Variants in CTNNA3 observed in about 807,000 individuals in gnomAD.
CTNNA3 encodes catenin alpha 3, also known as catenin alpha-3.
CTNNA3 carries 76 observed loss-of-function variants against 95.7 expected under a neutral mutation model. The observed-to-expected ratio is 0.79, with a 90% CI of 0.66 to 0.96. The LOEUF is 0.96. Ranked by LOEUF, CTNNA3 falls within the 40% of genes least tolerant of loss-of-function variation. The probability of loss-of-function intolerance (pLI) is 0.00; values close to 1 mark genes in which losing one functional copy is unlikely to be tolerated. For missense variants in CTNNA3, 1,191 were observed against 1,089.8 expected, an observed-to-expected ratio of 1.09 and a Z score of -1.31; for synonymous variants, 431 against 374.4, an observed-to-expected ratio of 1.15 and a Z score of -1.74.
At chr10:67,344,404 A>C (rs1842336934) in intron 5 of CTNNA3, among the ~76,000 whole-genome samples, 1 of 151,882 alleles carries the variant, frequency 6.6e-6, no homozygotes, top group Admixed American at 6.6e-5. Context: ...TATTTTTTGG[A>C]ATATTTTTAC....
intron 6 of CTNNA3, among the ~76,000 whole-genome samples, chr10:67,203,935 GATGTT>G (rs1230546624): frequency 6.6e-6 from 1 of 152,118 alleles, no homozygotes. Context: ...AAGGTGTAGT[GATGTT>G]ACCTGCAGGA....
chr10:67,232,064 G>A (rs929995230), intron 5 of CTNNA3, among the ~76,000 whole-genome samples: 1 of 152,030 alleles, frequency 6.6e-6, no homozygotes, highest in Non-Finnish European at 1.5e-5. Flanking sequence ...CGGGGAGAAT[G>A]GAACCAAGTT....
At chr10:67,733,270 A>G (rs1384794428) in intron 1 of CTNNA3, among the ~76,000 whole-genome samples, 1 of 152,206 alleles carries the variant, frequency 6.6e-6, no homozygotes, top group Non-Finnish European at 1.5e-5. Context: ...ATTTTCTTTG[A>G]AAAGTTGCTA....
Position 66,927,726 on chromosome 10 carries a change from AC to A in CTNNA3, c.1048-152203del, listed in dbSNP as rs1847154158. On this transcript the variant is annotated intron_variant, in intron 7 of 17. Coordinates refer to ENST00000433211, the MANE Select transcript of CTNNA3 (RefSeq NM_013266.4). This position sits in a 1 kb window ranked among gnomAD's most constrained non-coding sequence, Gnocchi z 4.7. ...GCAATGAGATCGAAGCTTTCAGTGG[AC>A]CCAGTGTTTTCCAGTGTGTCCCGAA... 6.2e-7 allele frequency: 1 copy of A among 1,614,022 alleles called. No homozygotes were observed. Among genetic ancestry groups the A allele is most frequent in the Admixed American group, 1.7e-5 (1 of 59,994 alleles).
At chr10:66,373,735 C>G (rs2092771280) in intron 12 of CTNNA3, among the ~76,000 whole-genome samples, 1 of 152,218 alleles carries the variant, frequency 6.6e-6, no homozygotes, top group South Asian at 2.1e-4. Flanking sequence ...CAGTTACTAC[C>G]CCTTACAGGG....
At chr10:66,371,858 T>C (rs2092756966) in intron 12 of CTNNA3, among the ~76,000 whole-genome samples, 1 of 152,154 alleles carries the variant, frequency 6.6e-6, no homozygotes, top group African/African-American at 2.4e-5. Flanking sequence ...ACTAAGATAA[T>C]GCTTCTGGCA....
chr10:66,408,327 G>A (rs775570003), intron 11 of CTNNA3, among the ~76,000 whole-genome samples: 27 of 151,926 alleles, frequency 1.8e-4, no homozygotes, highest in Admixed American at 3.9e-4. Context: ...CCAAATGGTG[G>A]CCTTTTTTCT....
chr10:67,254,056 C>G (rs779146734), intron 5 of CTNNA3, among the ~76,000 whole-genome samples: 2 of 151,818 alleles, frequency 1.3e-5, no homozygotes, highest in Non-Finnish European at 2.9e-5. Context: ...CCTTTCTTAC[C>G]AATTTATTTT....
intron 3 of CTNNA3, among the ~76,000 whole-genome samples, chr10:67,579,932 T>C (rs190285192): frequency 0.014 from 2,091 of 152,354 alleles, 61 homozygotes; most frequent in African/African-American, 0.048. Context: ...TTGTTTAAGT[T>C]CTTTATCGAT....
chr10:66,423,694 A>T (rs184577574), intron 11 of CTNNA3, among the ~76,000 whole-genome samples: 2 of 152,262 alleles, frequency 1.3e-5, no homozygotes, highest in African/African-American at 4.8e-5. Flanking sequence ...TCTCCCCGAC[A>T]CGAAAACATT....
intron 12 of CTNNA3, among the ~76,000 whole-genome samples, chr10:66,341,073 A>G (rs1657267370): frequency 6.6e-6 from 1 of 151,934 alleles, no homozygotes; most frequent in Non-Finnish European, 1.5e-5. Context: ...AACTATCATC[A>G]TCCTAAGAGT....
intron 1 of CTNNA3, among the ~76,000 whole-genome samples, chr10:67,734,155 T>C (rs1382648210): frequency 6.6e-6 from 1 of 152,154 alleles, no homozygotes; most frequent in Non-Finnish European, 1.5e-5. Context: ...TCCTGGCCAG[T>C]CAACAAAATT....
At chr10:66,166,726 T>A (rs2085151619) in intron 13 of CTNNA3, among the ~76,000 whole-genome samples, 1 of 151,658 alleles carries the variant, frequency 6.6e-6, no homozygotes, top group Admixed American at 6.6e-5. Flanking sequence ...AGAGAAGTAA[T>A]CACATAATTA....
chr10:66,110,017 T>G (rs1485356709), intron 13 of CTNNA3, among the ~76,000 whole-genome samples: 1 of 152,144 alleles, frequency 6.6e-6, no homozygotes, highest in African/African-American at 2.4e-5. Flanking sequence ...TAAATTCTAA[T>G]TAACAAATCT....
chr10:66,374,914 C>T (rs770820521), intron 12 of CTNNA3, among the ~76,000 whole-genome samples: 2 of 151,944 alleles, frequency 1.3e-5, no homozygotes, highest in East Asian at 3.9e-4. Flanking sequence ...CACACCCAGA[C>T]CAGAAAAGCC....
intron 13 of CTNNA3, among the ~76,000 whole-genome samples, chr10:66,183,861 T>C (rs2086180272): frequency 1.3e-5 from 2 of 152,192 alleles, no homozygotes; most frequent in African/African-American, 4.8e-5. Context: ...GCCTATTCAA[T>C]TTTTTGGCTT....
intron 5 of CTNNA3, among the ~76,000 whole-genome samples, chr10:67,335,607 T>C (rs2132596906): frequency 6.6e-6 from 1 of 152,362 alleles, no homozygotes; most frequent in Non-Finnish European, 1.5e-5. Flanking sequence ...TTAATCTTTC[T>C]TGAATGTATG....
At chr10:66,048,070 A>G (rs988988693) in intron 15 of CTNNA3, among the ~76,000 whole-genome samples, 2 of 152,174 alleles carry the variant, frequency 1.3e-5, no homozygotes, top group Non-Finnish European at 2.9e-5. Flanking sequence ...TACAGATTCA[A>G]TGCTGTTCCT....
intron 1 of CTNNA3, among the ~76,000 whole-genome samples, chr10:67,673,799 A>ACGTC (rs955807466): frequency 2.3e-5 from 3 of 133,326 alleles, no homozygotes; most frequent in Admixed American, 7.3e-5. Context: ...TTAATAACGG[A>ACGTC]CGTCCGTTAT....
Sources: allele counts gnomAD v4.1 joint callset (sites outside exome capture counted in the v4.1 genomes callset), GRCh38; gene constraint gnomAD v4.1.1; non-coding constraint Gnocchi (gnomAD v3.1); transcripts MANE v1.5; gene names NCBI Gene and HGNC (gene_info 2026-07-23, HGNC 2026-07-21).